SLC12A7: variants seen among roughly 807,000 people sequenced by gnomAD.
The protein encoded by SLC12A7 is solute carrier family 12 member 7.
A neutral mutation model predicts 120.6 loss-of-function variants in SLC12A7; 100 were observed. The observed-to-expected ratio is 0.83, with a 90% CI of 0.71 to 0.98. SLC12A7 has a LOEUF of 0.98. Among genes scored for constraint, SLC12A7 ranks in the 50% least tolerant of loss-of-function variants. The probability of loss-of-function intolerance (pLI) is 0.00; values close to 1 mark genes in which losing one functional copy is unlikely to be tolerated. For missense variants in SLC12A7, 1,373 were observed against 1,548.1 expected (o/e 0.89, Z 1.90); for synonymous variants, 760 against 678.0 (o/e 1.12, Z -1.88).
At position 1,057,664 on chromosome 5, in the gene SLC12A7, A is replaced by G. The variant is rs572919565; in HGVS notation, c.2848-15T>C. On this transcript the variant is annotated splice_polypyrimidine_tract_variant and intron_variant, in intron 21 of 23. Transcript: ENST00000264930. ...ATCAGCTGGGCCTGGCGGGCCCGGG[A>G]CTTGGTGAGACCAGCCGGTCTCAAA... The G allele has an allele frequency of 4.2e-5, 67 of 1,587,954 alleles. 1 individual carries two copies. The East Asian group carries it at 1.2e-3, about 28-fold the overall frequency.
chr5:1,097,587 G>A (rs111301377), intron 1 of SLC12A7, among the ~76,000 whole-genome samples: 3,661 of 152,298 alleles, frequency 0.024, 99 homozygotes, highest in African/African-American at 0.061. Flanking sequence ...GCGGCCTCAC[G>A]ACAAAGCCCT....
In SLC12A7 at chr5:1,050,847, A is replaced by G. The variant is rs942118926; in HGVS notation, c.*1513T>C. On this transcript the variant is annotated 3_prime_UTR_variant, in exon 24 of 24. Transcript: ENST00000264930. ...GCAGCCGTCACTCTACAGCAATGCC[A>G]GCCCTAGTCTGGCTCCTCAGAAACA... 52 of 398,560 alleles carry G rather than the reference A, an allele frequency of 1.3e-4. No homozygotes were observed. Among genetic ancestry groups the G allele is most frequent in the Non-Finnish European group, 2.2e-5 (5 of 226,078 alleles). The allele number at this position is 398,560 out of a possible 1,614,324, so 24.7% of individuals were successfully genotyped here. A position where few individuals can be genotyped will look rare whatever the true frequency, so the allele number is the denominator to read the frequency against.
the SLC12A7 span, among the ~76,000 whole-genome samples, chr5:1,141,042 A>G: frequency 6.6e-6 from 1 of 152,224 alleles, no homozygotes. Context: ...AAATGAGTGC[A>G]GCCAGGCTGT....
the SLC12A7 span, among the ~76,000 whole-genome samples, chr5:1,145,115 G>A: frequency 1.3e-5 from 2 of 152,236 alleles, no homozygotes; most frequent in Non-Finnish European, 2.9e-5. This position sits in a 1 kb window ranked among gnomAD's most constrained non-coding sequence, Gnocchi z 4.4. Flanking sequence ...GCCGCAGGGG[G>A]CCCAGGGATC....
In SLC12A7 at chr5:1,081,763, C is replaced by T. The variant is rs1739152317; in HGVS notation, c.1130-19G>A. The T allele has an allele frequency of 6.2e-7, 1 of 1,603,702 alleles. No homozygotes were observed. Among genetic ancestry groups the T allele is most frequent in the African/African-American group, 1.3e-5 (1 of 74,824 alleles). On this transcript the variant is annotated intron_variant, in intron 8 of 23. Transcript: ENST00000264930. ...AGGTTCTCTGCCGGGCAAGGAAGATCCCATGGGTTTCTGGCACCTTCTGTG... is the reference window on the plus strand; with the variant it reads ...AGGTTCTCTGCCGGGCAAGGAAGATTCCATGGGTTTCTGGCACCTTCTGTG...
intron 1 of SLC12A7, among the ~76,000 whole-genome samples, chr5:1,104,546 C>T (rs947339909): frequency 2.6e-5 from 4 of 152,176 alleles, no homozygotes; most frequent in Non-Finnish European, 2.9e-5. Context: ...TCCCAGCCCC[C>T]AAACTTCCCA....
At chr5:1,074,498 A>G (rs1273528672) in intron 16 of SLC12A7, 69 bp downstream of exon 16, 3 of 1,431,014 alleles carry the variant, frequency 2.1e-6, no homozygotes, top group Admixed American at 3.7e-5. Context: ...AAAGGTCCCC[A>G]CTCAAAGGCC....
chr5:1,088,702 C>T (rs558379093), intron 4 of SLC12A7, among the ~76,000 whole-genome samples: 2 of 152,324 alleles, frequency 1.3e-5, no homozygotes, highest in Admixed American at 1.3e-4. Flanking sequence ...GCTGAGATGC[C>T]TGTCCGCAGA....
chr5:1,130,547 G>A, the SLC12A7 span, among the ~76,000 whole-genome samples: 3 of 151,898 alleles, frequency 2.0e-5, no homozygotes, highest in Non-Finnish European at 4.4e-5. Context: ...CAGGGCGGCT[G>A]CCCGCGCAGG....
In SLC12A7 at chr5:1,093,541, C is replaced by T; in HGVS notation, c.334G>A (p.Glu112Lys). ...GGGCAGGGTGGCAGTACCTTGGCCT[C>T]CCGCCGCCGGCTCTCCTCGTCCTCC... ...HEEDEESRRR[E>K]AKAPRMGTFI... The change falls in exon 3 of 24, where the codon GAG becomes AAG. Residue 112 changes from glutamate (E) to lysine (K), a missense_variant. Coordinates refer to ENST00000264930, the MANE Select transcript of SLC12A7 (RefSeq NM_006598.3). 2 of 1,590,160 alleles carry T rather than the reference C, an allele frequency of 1.3e-6. No homozygotes were observed. The highest frequency in any genetic ancestry group is 1.7e-6 in the Non-Finnish European group (2 of 1,169,556).
intron 3 of SLC12A7, among the ~76,000 whole-genome samples, chr5:1,090,935 G>A (rs1453920880): frequency 2.0e-5 from 3 of 152,188 alleles, no homozygotes; most frequent in Non-Finnish European, 4.4e-5. Flanking sequence ...CTGGGGATGA[G>A]CCTCTGAGCC....
the SLC12A7 span, among the ~76,000 whole-genome samples, chr5:1,128,218 G>A: frequency 6.6e-6 from 1 of 152,236 alleles, no homozygotes; most frequent in South Asian, 2.1e-4. Flanking sequence ...CTGGCGGGAA[G>A]TCCGCTCCAG....
chr5:1,147,864 T>G, the SLC12A7 span, among the ~76,000 whole-genome samples: 1 of 152,034 alleles, frequency 6.6e-6, no homozygotes, highest in Non-Finnish European at 1.5e-5. Flanking sequence ...CCCAAGCAGG[T>G]GGGACCGTGG....
chr5:1,099,958 G>A (rs529021123), intron 1 of SLC12A7, among the ~76,000 whole-genome samples: 95 of 151,340 alleles, frequency 6.3e-4, no homozygotes, highest in Non-Finnish European at 9.6e-4. Context: ...GCGCATGACC[G>A]TTACTGTTAT....
the SLC12A7 span, among the ~76,000 whole-genome samples, chr5:1,130,259 C>A: frequency 6.6e-6 from 1 of 152,180 alleles, no homozygotes; most frequent in Non-Finnish European, 1.5e-5. Context: ...AGGACCCCAC[C>A]GGGCGAGGCT....
chr5:1,073,953 CAGAT>C, intron 16 of SLC12A7, 152 bp from the exon 17 acceptor site: 1 of 704,902 alleles, frequency 1.4e-6, no homozygotes. Context: ...GGGCAGGTGA[CAGAT>C]GGGATGGGGA....
At chr5:1,092,348 G>A (rs1333773746) in intron 3 of SLC12A7, among the ~76,000 whole-genome samples, 1 of 152,198 alleles carries the variant, frequency 6.6e-6, no homozygotes, top group Non-Finnish European at 1.5e-5. Context: ...GCAGGGGAGG[G>A]CAAGGAGCCG....
intron 17 of SLC12A7, among the ~76,000 whole-genome samples, chr5:1,073,320 A>G (rs974134304): frequency 1.3e-5 from 2 of 152,072 alleles, no homozygotes; most frequent in African/African-American, 2.4e-5. Context: ...GAGCCTGAAC[A>G]GCGGGAGACT....
In SLC12A7 at chr5:1,050,736, G is replaced by A. The variant is rs752235903; in HGVS notation, c.*1624C>T. ...CCATCCAGACATGGAGGAGCGTTTT[G>A]CTGCTTAACTCATGCTTAGCCAAGG... On this transcript the variant is annotated 3_prime_UTR_variant, in exon 24 of 24. Coordinates refer to ENST00000264930, the MANE Select transcript of SLC12A7 (RefSeq NM_006598.3). 9.3e-4 allele frequency: 369 copies of A among 397,264 alleles called. 1 individual carries two copies. The highest frequency in any genetic ancestry group is 2.1e-3 in the South Asian group (15 of 7,170). The allele number at this position is 397,264 out of a possible 1,614,324, so 24.6% of individuals were successfully genotyped here.
Sources: gnomAD v4.1 joint callset for allele counts (sites outside exome capture counted in the v4.1 genomes callset) on GRCh38, gnomAD v4.1.1 for gene constraint, Gnocchi (gnomAD v3.1) non-coding constraint, MANE v1.5 for transcripts, NCBI Gene and HGNC (gene_info 2026-07-23, HGNC 2026-07-21) for gene names.